TMEM273: variants seen among roughly 807,000 people sequenced by gnomAD.
TMEM273 encodes transmembrane protein 273, also known as chromosome 10 open reading frame 128.
A neutral mutation model predicts 17.9 loss-of-function variants in TMEM273; 19 were observed. That is an observed-to-expected ratio of 1.06 (90% confidence interval 0.74 to 1.55). The LOEUF (loss-of-function observed/expected upper bound fraction) is 1.55, where lower values mean the gene tolerates loss of function less well. Among genes scored for constraint, TMEM273 ranks in the 40% most tolerant of loss-of-function variants. TMEM273 has a pLI of 0.00. For missense variants in TMEM273, 194 were observed against 155.6 expected, an observed-to-expected ratio of 1.25 and a Z score of -1.31; for synonymous variants, 66 against 62.0, an observed-to-expected ratio of 1.07 and a Z score of -0.31.
intron 1 of TMEM273, among the ~76,000 whole-genome samples, chr10:49,184,574 A>G (rs1039205773): frequency 6.6e-6 from 1 of 152,240 alleles, no homozygotes; most frequent in Non-Finnish European, 1.5e-5. Context: ...ACAAACTAAA[A>G]TAAAAACTTT....
intron 5 of TMEM273, among the ~76,000 whole-genome samples, chr10:49,161,841 C>G (rs79588748): frequency 0.037 from 5,581 of 152,162 alleles, 204 homozygotes; most frequent in Non-Finnish European, 0.039. Context: ...AGCTCTGTTA[C>G]GATACCTGCC....
chr10:49,155,612 C>T lies in TMEM273; in HGVS notation c.*280G>A, dbSNP rs1319564294. The stretch of plus-strand genomic sequence containing the variant: ...CTCATGGAAGCATGAACAGCTCCAA[C>T]ACAGGGTGAAGCTTTTGGTGTCCAC... On this transcript the variant is annotated 3_prime_UTR_variant, in exon 7 of 7. Transcript: ENST00000374153. The T allele has an allele frequency of 7.3e-6, 4 of 547,820 alleles. No homozygotes were observed. Among genetic ancestry groups the T allele is most frequent in the Non-Finnish European group, 1.3e-5 (4 of 306,160 alleles). The allele number at this position is 547,820 out of a possible 1,614,324, so 33.9% of individuals were successfully genotyped here. A position where few individuals can be genotyped will look rare whatever the true frequency, so the allele number is the denominator to read the frequency against.
intron 5 of TMEM273, among the ~76,000 whole-genome samples, chr10:49,163,918 G>A (rs192059832): frequency 6.9e-4 from 105 of 152,178 alleles, no homozygotes; most frequent in Admixed American, 4.3e-3. Flanking sequence ...GTCATGACCC[G>A]CAGCCACAAT....
chr10:49,160,277 T>C (rs1845761611), intron 6 of TMEM273: 1 of 152,138 alleles, frequency 6.6e-6, no homozygotes, highest in African/African-American at 2.4e-5. Flanking sequence ...GTCACTCCCT[T>C]AACCAAGCAA....
At position 49,155,136 on chromosome 10, in the gene TMEM273, T is replaced by C. The variant is rs911383279; in HGVS notation, c.*756A>G. On this transcript the variant is annotated 3_prime_UTR_variant, in exon 7 of 7. Transcript: ENST00000374153. ...TCTTCTATGCAACAGCCATGTACAT[T>C]GTAATAATAACCACAAAATAATTGT... 6.6e-6 allele frequency: 1 copy of C among 152,328 alleles called. No homozygotes were observed. The highest frequency in any genetic ancestry group is 1.5e-5 in the Non-Finnish European group (1 of 68,130). The allele number at this position is 152,328 out of a possible 1,614,324, so 9.4% of individuals were successfully genotyped here.
chr10:49,155,746 C>T lies in TMEM273; in HGVS notation c.*146G>A, dbSNP rs1415623698. ...GACAGAGGCACTGTATATTCTATTC[C>T]TTCTATTATTTGCCTCCAATATTCA... On this transcript the variant is annotated 3_prime_UTR_variant, in exon 7 of 7. Coordinates refer to ENST00000374153, the MANE Select transcript of TMEM273 (RefSeq NM_001288740.3). The T allele has an allele frequency of 1.8e-6, 2 of 1,105,896 alleles. No homozygotes were observed. The highest frequency in any genetic ancestry group is 5.0e-5 in the East Asian group (2 of 40,362). The allele number at this position is 1,105,896 out of a possible 1,614,324, so 68.5% of individuals were successfully genotyped here. A position where few individuals can be genotyped will look rare whatever the true frequency, so the allele number is the denominator to read the frequency against.
At position 49,186,097 on chromosome 10, in the gene TMEM273, A is replaced by AAGAAGAAGAAGAAGG. The variant is rs1240618330; in HGVS notation, c.43+2196_43+2197insCCTTCTTCTTCTTCT. 5.2e-3 allele frequency among the ~76,000 whole-genome samples: 602 copies of AAGAAGAAGAAGAAGG among 116,562 alleles called. 12 individuals are homozygous for AAGAAGAAGAAGAAGG. The highest frequency in any genetic ancestry group is 0.014 in the East Asian group (34 of 2,358). 76.5% of individuals were successfully genotyped at this position (116,562 alleles called of 152,430 possible). A position where few individuals can be genotyped will look rare whatever the true frequency, so the allele number is the denominator to read the frequency against. On this transcript the variant is annotated intron_variant, in intron 1 of 6. Coordinates refer to ENST00000374153, the MANE Select transcript of TMEM273 (RefSeq NM_001288740.3). ...GAAGAAGAAGAAGAAGAAGAAGAAG[A>AAGAAGAAGAAGAAGG]AGAAGAAGAAGAGGAAGAAGAAGAA...
intron 1 of TMEM273, among the ~76,000 whole-genome samples, chr10:49,169,216 C>T (rs1846397069): frequency 6.6e-6 from 1 of 152,220 alleles, no homozygotes; most frequent in Non-Finnish European, 1.5e-5. Flanking sequence ...CACATTCAAA[C>T]TTCCAGGCAA....
At chr10:49,176,054 AT>A (rs1354043672) in intron 1 of TMEM273, among the ~76,000 whole-genome samples, 2 of 152,258 alleles carry the variant, frequency 1.3e-5, no homozygotes, top group East Asian at 3.9e-4. Context: ...TCTGCCACCC[AT>A]TGTCAGCCTG....
Position 49,155,379 on chromosome 10 carries a change from T to A in TMEM273, c.*513A>T. ...GATAGGGCTAGAGACCATCCCGGAG[T>A]CCCCATGTTTCAGGACTCCCGAATC... On this transcript the variant is annotated 3_prime_UTR_variant, in exon 7 of 7. Coordinates refer to ENST00000374153, the MANE Select transcript of TMEM273 (RefSeq NM_001288740.3). 5.9e-6 allele frequency: 1 copy of A among 170,734 alleles called. No individual in the cohort carries two copies. The highest frequency in any genetic ancestry group is 5.7e-5 in the Admixed American group (1 of 17,622). 10.6% of individuals were successfully genotyped at this position (170,734 alleles called of 1,614,324 possible).
At chr10:49,169,874 C>CG in intron 1 of TMEM273, among the ~76,000 whole-genome samples, 1 of 152,218 alleles carries the variant, frequency 6.6e-6, no homozygotes, top group Non-Finnish European at 1.5e-5. Context: ...TTTCCTGGGA[C>CG]GGGACCCTTT....
At chr10:49,160,632 G>A (rs1421968474) in intron 6 of TMEM273, 2 of 152,100 alleles carry the variant, frequency 1.3e-5, no homozygotes, top group South Asian at 4.2e-4. Context: ...TATAATAGAT[G>A]ATATTAAATT....
At chr10:49,184,547 G>T (rs2132295120) in intron 1 of TMEM273, among the ~76,000 whole-genome samples, 1 of 152,314 alleles carries the variant, frequency 6.6e-6, no homozygotes, top group South Asian at 2.1e-4. Flanking sequence ...GTTATTCCTA[G>T]TAGTGATTAG....
At chr10:49,164,412 C>T (rs764260122) in intron 5 of TMEM273, among the ~76,000 whole-genome samples, 12 of 152,110 alleles carry the variant, frequency 7.9e-5, no homozygotes, top group Admixed American at 1.3e-4. Context: ...AGTCTCTGTC[C>T]GGGCTTCCAG....
At chr10:49,157,545 A>G (rs947899166) in intron 6 of TMEM273, among the ~76,000 whole-genome samples, 1 of 152,212 alleles carries the variant, frequency 6.6e-6, no homozygotes, top group African/African-American at 2.4e-5. Flanking sequence ...AATAATGAGG[A>G]TTCCTATACA....
At chr10:49,180,279 G>A (rs1314555309) in intron 1 of TMEM273, among the ~76,000 whole-genome samples, 2 of 152,178 alleles carry the variant, frequency 1.3e-5, no homozygotes, top group Non-Finnish European at 2.9e-5. Flanking sequence ...GGTGCTGTCT[G>A]CAAGTGCTAA....
At chr10:49,167,727 C>T (rs564285927) in intron 2 of TMEM273, among the ~76,000 whole-genome samples, 182 bp downstream of exon 2, 258 of 152,312 alleles carry the variant, frequency 1.7e-3, no homozygotes, top group African/African-American at 5.9e-3. Flanking sequence ...AGCTTTAATG[C>T]AAGGCCTTTC....
intron 1 of TMEM273, among the ~76,000 whole-genome samples, chr10:49,182,581 G>A (rs986311206): frequency 1.3e-5 from 2 of 152,132 alleles, no homozygotes; most frequent in East Asian, 1.9e-4. Context: ...ATAGATGGCC[G>A]ACATTTTGGA....
intron 1 of TMEM273, among the ~76,000 whole-genome samples, chr10:49,172,292 A>G (rs1396245298): frequency 1.3e-5 from 2 of 152,190 alleles, no homozygotes; most frequent in African/African-American, 4.8e-5. Context: ...GTGCCCCATG[A>G]AGGAGCTCAC....
Sources: gnomAD v4.1 joint callset for allele counts (sites outside exome capture counted in the v4.1 genomes callset) on GRCh38, gnomAD v4.1.1 for gene constraint, MANE v1.5 for transcripts, NCBI Gene and HGNC (gene_info 2026-07-23, HGNC 2026-07-21) for gene names.